Variants in COL12A1 observed in about 807,000 individuals in gnomAD.
The protein encoded by COL12A1 is collagen type XII alpha 1 chain, also known as collagen alpha-1(XII) chain.
Under a neutral mutation model 349.7 loss-of-function variants are expected in COL12A1, and 114 were observed. That is an observed-to-expected ratio of 0.33 (90% CI 0.28 to 0.38). The LOEUF (loss-of-function observed/expected upper bound fraction) is 0.38. Among genes scored for constraint, COL12A1 ranks in the 10% least tolerant of loss-of-function variants. COL12A1 has a pLI of 1.00. For synonymous variants in COL12A1, 1,369 were observed against 1,329.0 expected (o/e 1.03, Z -0.66); for missense variants, 3,284 against 3,756.9 (o/e 0.87, Z 3.29).
rs183464593 is a variant in COL12A1, at chr6:75,125,070, G to A, written c.6607+57C>T. 6.7e-4 allele frequency: 987 copies of A among 1,483,068 alleles called. 9 individuals are homozygous for A. The highest frequency in any genetic ancestry group is 4.0e-4 in the Admixed American group (20 of 49,498). The allele number at this position is 1,483,068 out of a possible 1,614,324, so 91.9% of individuals were successfully genotyped here. A position where few individuals can be genotyped will look rare whatever the true frequency, so the allele number is the denominator to read the frequency against. On this transcript the variant is annotated intron_variant, in intron 40 of 65. Coordinates refer to ENST00000322507, the MANE Select transcript of COL12A1 (RefSeq NM_004370.6). ...CAGAAACAGGAAATTAAAACAGGCT[G>A]ACCTGGTAATTTCTACTACAGTTTT...
At chr6:75,092,396 A>C (rs1385671674) in intron 60 of COL12A1, among the ~76,000 whole-genome samples, 1 of 152,058 alleles carries the variant, frequency 6.6e-6, no homozygotes, top group Non-Finnish European at 1.5e-5. Context: ...TCTCTTATTA[A>C]ATAACTCAAT....
chr6:75,113,558 A>T, intron 50 of COL12A1, 44 bp downstream of exon 50: 1 of 1,545,356 alleles, frequency 6.5e-7, no homozygotes, highest in South Asian at 1.3e-5. Flanking sequence ...AGAAAAACAT[A>T]ATCAAAACTA....
chr6:75,099,857 A>C (rs140090596), intron 58 of COL12A1, among the ~76,000 whole-genome samples: 535 of 152,254 alleles, frequency 3.5e-3, no homozygotes, highest in Non-Finnish European at 5.7e-3. Context: ...TCCTGCTAAC[A>C]AGTCTTCATT....
chr6:75,124,936 A>AG (rs1765939317), intron 40 of COL12A1, among the ~76,000 whole-genome samples, 191 bp downstream of exon 40: 1 of 152,164 alleles, frequency 6.6e-6, no homozygotes, highest in Non-Finnish European at 1.5e-5. Flanking sequence ...TTCTCACCAT[A>AG]TATATTTTTA....
rs555038905 is a variant in COL12A1, at chr6:75,135,493, G to A, written c.5395-638C>T. On this transcript the variant is annotated intron_variant, in intron 31 of 65. Coordinates refer to ENST00000322507, the MANE Select transcript of COL12A1 (RefSeq NM_004370.6). Reference sequence around the variant, plus strand: ...ATTTACTCTAATTATGGAGCTTAAAGTTTTTATTCGTTACTTAAGGCCATC... The same window carrying A: ...ATTTACTCTAATTATGGAGCTTAAAATTTTTATTCGTTACTTAAGGCCATC... Among the ~76,000 whole-genome samples, 17 of 152,266 alleles carry A rather than the reference G, an allele frequency of 1.1e-4. 1 individual carries two copies. In the South Asian group the frequency reaches 2.7e-3, roughly 24 times the overall value.
chr6:75,124,408 ATTGAGGC>A (rs1320929876), intron 40 of COL12A1, 37 bp from the exon 41 acceptor site: 1 of 1,468,372 alleles, frequency 6.8e-7, no homozygotes, highest in Non-Finnish European at 9.4e-7. Flanking sequence ...TACTTTGTAA[ATTGAGGC>A]AAAAAGTGTA....
At position 75,192,365 on chromosome 6, in the gene COL12A1, T is replaced by C. The variant is rs1230867934; in HGVS notation, c.191-10A>G. 1 of 1,608,428 alleles carries C rather than the reference T, an allele frequency of 6.2e-7. No homozygotes were observed. The highest frequency in any genetic ancestry group is 1.7e-5 in the Admixed American group (1 of 59,474). ...TCTTTAGTAGGCCCATCTGGAAATA[T>C]AAAAAGGAAAAATATGAATGCAACA... On this transcript the variant is annotated splice_polypyrimidine_tract_variant and intron_variant, in intron 3 of 65. Coordinates refer to ENST00000322507, the MANE Select transcript of COL12A1 (RefSeq NM_004370.6).
chr6:75,102,156 G>A (rs1472981739), intron 56 of COL12A1, 104 bp from the exon 57 acceptor site: 5 of 1,158,130 alleles, frequency 4.3e-6, no homozygotes, highest in Non-Finnish European at 6.3e-6. Context: ...CATAAATCCA[G>A]TGTAAGCGTT....
chr6:75,139,237 A>G (rs1766774395), intron 27 of COL12A1, among the ~76,000 whole-genome samples: 1 of 152,248 alleles, frequency 6.6e-6, no homozygotes, highest in South Asian at 2.1e-4. Context: ...AATCAACACT[A>G]TGGACTCTTT....
At chr6:75,097,948 A>G (rs186797282) in intron 58 of COL12A1, among the ~76,000 whole-genome samples, 97 of 152,314 alleles carry the variant, frequency 6.4e-4, no homozygotes, top group Admixed American at 2.0e-3. Flanking sequence ...CAGCTTCCAG[A>G]TATTTTAACC....
intron 12 of COL12A1, among the ~76,000 whole-genome samples, chr6:75,176,051 C>T (rs1232667531): frequency 2.0e-5 from 3 of 152,158 alleles, no homozygotes; most frequent in Non-Finnish European, 4.4e-5. Context: ...TGGTACCCAG[C>T]ACAAAGAGCC....
chr6:75,171,799 G>A (rs553398861), intron 13 of COL12A1, among the ~76,000 whole-genome samples: 4 of 152,308 alleles, frequency 2.6e-5, no homozygotes, highest in African/African-American at 9.6e-5. Context: ...GGAATAACCA[G>A]GGGCAAAAAT....
chr6:75,126,297 C>T (rs1766010327), intron 39 of COL12A1, 54 bp downstream of exon 39: 3 of 1,570,984 alleles, frequency 1.9e-6, no homozygotes, highest in African/African-American at 2.7e-5. Context: ...AAAATACCCT[C>T]ATATGCAAAT....
intron 25 of COL12A1, 123 bp from the exon 26 acceptor site, chr6:75,143,511 A>G: frequency 1.0e-6 from 1 of 994,250 alleles, no homozygotes; most frequent in East Asian, 2.7e-5. Context: ...AATAACTGAA[A>G]AAAATGATTA....
In COL12A1 at chr6:75,149,981, G is replaced by T. The variant is rs572776376; in HGVS notation, c.4147+1160C>A. ...GGCTGGTCTATTTCTCCAGGGAAAAGGTCAATCTGTTGTTCAAAATTCAAA... is the reference window on the plus strand; with the variant it reads ...GGCTGGTCTATTTCTCCAGGGAAAATGTCAATCTGTTGTTCAAAATTCAAA... On this transcript the variant is annotated intron_variant, in intron 21 of 65. Transcript: ENST00000322507. Among the ~76,000 whole-genome samples the T allele has an allele frequency of 6.6e-5, 10 of 152,170 alleles. No individual in the cohort carries two copies. The South Asian group carries it at 1.9e-3, about 28-fold the overall frequency.
At chr6:75,151,381 G>A (rs1767478751) in intron 20 of COL12A1, 94 bp from the exon 21 acceptor site, 2 of 1,165,454 alleles carry the variant, frequency 1.7e-6, no homozygotes, top group African/African-American at 1.6e-5. Context: ...ATTCATGGCT[G>A]CTTTTGGCCA....
rs138580679 is a variant in COL12A1, at chr6:75,118,855, C to T, written c.7354+188G>A. On this transcript the variant is annotated intron_variant, in intron 46 of 65. Transcript: ENST00000322507. Reference sequence around the variant, plus strand: ...GAACCACATCTTATACAAAGAATACCCCATGTCATTTTTGAGCAGTTGCAA... The same window carrying T: ...GAACCACATCTTATACAAAGAATACTCCATGTCATTTTTGAGCAGTTGCAA... Among the ~76,000 whole-genome samples the T allele has an allele frequency of 5.0e-3, 760 of 152,222 alleles. 3 individuals carry two copies. The highest frequency in any genetic ancestry group is 8.2e-3 in the Non-Finnish European group (559 of 68,010).
intron 57 of COL12A1, 155 bp downstream of exon 57, chr6:75,101,844 C>A: frequency 1.0e-6 from 1 of 992,460 alleles, no homozygotes; most frequent in Non-Finnish European, 1.5e-6. Flanking sequence ...TGAATAGCAC[C>A]AACTTGAAGG....
Position 75,119,316 on chromosome 6 carries a change from T to C in COL12A1, c.7210+34A>G, listed in dbSNP as rs772217637. 5.6e-6 allele frequency: 9 copies of C among 1,606,356 alleles called. No individual in the cohort carries two copies. The East Asian group carries it at 8.9e-5, about 16-fold the overall frequency. On this transcript the variant is annotated intron_variant, in intron 45 of 65. Coordinates refer to ENST00000322507, the MANE Select transcript of COL12A1 (RefSeq NM_004370.6). The stretch of plus-strand genomic sequence containing the variant: ...ATACACTCAGTTCTGCCACTACAAA[T>C]GCTTGAAGAGTAAAGGTCTACATAT...
Sources: gnomAD v4.1 joint callset for allele counts (sites outside exome capture counted in the v4.1 genomes callset) on GRCh38, gnomAD v4.1.1 for gene constraint, MANE v1.5 for transcripts, NCBI Gene and HGNC (gene_info 2026-07-23, HGNC 2026-07-21) for gene names.